The following COASY variants were observed in gnomAD, a reference collection of about 807,000 sequenced individuals.
COASY encodes the protein Coenzyme A synthase, also known as bifunctional coenzyme A synthase.
In COASY, 31 loss-of-function variants were observed where a neutral mutation model predicts 49.4. The ratio of observed to expected loss-of-function variants is 0.63; its 90% CI spans 0.47 to 0.85. COASY has a LOEUF of 0.85. COASY is among the 40% of genes least tolerant of loss of function. COASY has a pLI of 0.00. For missense variants in COASY, 730 were observed against 734.1 expected (o/e 0.99, Z 0.06); for synonymous variants, 285 against 310.9 (o/e 0.92, Z 0.88).
intron 2 of COASY, 86 bp from the exon 3 acceptor site, chr17:42,564,360 A>G: frequency 6.3e-7 from 1 of 1,581,420 alleles, no homozygotes; most frequent in Non-Finnish European, 8.7e-7. Flanking sequence ...CTGGGTAGGA[A>G]GGGGAGGATG....
At position 42,562,740 on chromosome 17, in the gene COASY, C is replaced by T. The variant is rs76169050; in HGVS notation, c.118C>T (p.His40Tyr). 1.3e-5 allele frequency: 20 copies of T among 1,591,750 alleles called. No individual in the cohort carries two copies. In the East Asian group the frequency reaches 4.5e-4, roughly 36 times the overall value. ...ARLVNHTLYV[H>Y]LQPGMSLEGP... Reference sequence around the variant, plus strand: ...GCTGGTGAATCACACACTCTATGTTCACCTGCAGCCGGGCATGAGCCTGGA... The same window carrying T: ...GCTGGTGAATCACACACTCTATGTTTACCTGCAGCCGGGCATGAGCCTGGA... Residue 40 changes from histidine (H) to tyrosine (Y), a missense_variant, in exon 1 of 9, where the codon CAC becomes TAC. Coordinates refer to ENST00000393818, the MANE Select transcript of COASY (RefSeq NM_025233.7).
intron 1 of COASY, 131 bp downstream of exon 1, chr17:42,563,453 C>T: frequency 4.5e-6 from 4 of 889,668 alleles, no homozygotes; most frequent in Non-Finnish European, 6.7e-6. Flanking sequence ...CAGTGGTTGA[C>T]ACTCAATTGG....
At chr17:42,563,581 A>G (rs2092988230) in intron 1 of COASY, 1 of 540,172 alleles carries the variant, frequency 1.9e-6, no homozygotes, top group Admixed American at 3.6e-5. Context: ...TTTCCAGGTG[A>G]TACACCCTAA....
rs755354716 is a variant in COASY, at chr17:42,562,573, C to T, written c.-50C>T. On this transcript the variant is annotated 5_prime_UTR_variant, in exon 1 of 9. Transcript: ENST00000393818. The stretch of plus-strand genomic sequence containing the variant: ...CAGGCCTCTGCCTCGGCCGCAGGCC[C>T]TTCAGTCACCGTCGCCTCGTCTCCC... 4.9e-5 allele frequency: 76 copies of T among 1,559,132 alleles called. No homozygotes were observed. Among genetic ancestry groups the T allele is most frequent in the Non-Finnish European group, 6.1e-5 (71 of 1,155,384 alleles).
At chr17:42,565,356 T>A (rs1276486930) in intron 6 of COASY, 45 bp downstream of exon 6, 1 of 1,610,092 alleles carries the variant, frequency 6.2e-7, no homozygotes, top group Admixed American at 1.7e-5. Flanking sequence ...ACAGTTAAGC[T>A]GTTTCTTCCC....
intron 2 of COASY, 104 bp downstream of exon 2, chr17:42,564,279 G>A: frequency 6.9e-7 from 1 of 1,447,504 alleles, no homozygotes; most frequent in Non-Finnish European, 9.6e-7. Flanking sequence ...AGAAGTGGGG[G>A]CTCAGGGTGG....
At chr17:42,564,946 A>C in intron 4 of COASY, 37 bp from the exon 5 acceptor site, 1 of 1,614,130 alleles carries the variant, frequency 6.2e-7, no homozygotes, top group Non-Finnish European at 8.5e-7. Flanking sequence ...GGAGCTAGCC[A>C]GGCCTCTGTG....
Position 42,565,697 on chromosome 17 carries a change from A to C in COASY, c.1524A>C (p.Glu508Asp). Residue 508 changes from glutamate (E) to aspartate (D), a missense_variant, in exon 8 of 9, where the codon GAA becomes GAC. Physicochemically the swap from Glu to Asp is conservative, Grantham distance 45. Coordinates refer to ENST00000393818, the MANE Select transcript of COASY (RefSeq NM_025233.7). The part of the protein sequence containing the change: ...RRIVERDGLS[E>D]AAAQSRLQSQ... ...TTGTGGAGAGGGATGGCCTCAGTGAAGCCGCGGCTCAAAGCCGGCTGCAGA... is the reference window on the plus strand; with the variant it reads ...TTGTGGAGAGGGATGGCCTCAGTGACGCCGCGGCTCAAAGCCGGCTGCAGA... 3 of 1,614,086 alleles carry C rather than the reference A, an allele frequency of 1.9e-6. No homozygotes were observed. The South Asian group carries it at 3.3e-5, about 18-fold the overall frequency.
intron 5 of COASY, 66 bp from the exon 6 acceptor site, chr17:42,565,161 C>T (rs928740898): frequency 1.2e-5 from 19 of 1,594,088 alleles, no homozygotes; most frequent in South Asian, 7.7e-5. Flanking sequence ...GTTCCCAACA[C>T]CACCTTGCTC....
chr17:42,564,139 T>C lies in COASY; in HGVS notation c.879T>C (p.Arg293=), dbSNP rs778257471. The change falls in exon 2 of 9, where the codon CGT becomes CGC. Residue 293 remains arginine (R), a synonymous_variant. Transcript: ENST00000393818. ...TGGTGGTCAGCGAGGAGACCTATCG[T>C]GGGGGGATGGCCATCAACCGCTTCC... ...EFLVVSEETY[R]GGMAINRFRL... 6.2e-7 allele frequency: 1 copy of C among 1,613,752 alleles called. No homozygotes were observed. Among genetic ancestry groups the C allele is most frequent in the Admixed American group, 1.7e-5 (1 of 59,976 alleles).
rs746142018 is a variant in COASY, at chr17:42,564,428, C to T, written c.916-18C>T. 1.9e-6 allele frequency: 3 copies of T among 1,613,760 alleles called. No homozygotes were observed. The highest frequency in any genetic ancestry group is 1.7e-6 in the Non-Finnish European group (2 of 1,179,944). On this transcript the variant is annotated intron_variant, in intron 2 of 8. Transcript: ENST00000393818. ...CACTCCCTCCTTCCCTCTTTTTACC[C>T]TTTCCTCTTTACCCCAGGACCTGGA...
Position 42,562,697 on chromosome 17 carries a change from C to T in COASY, c.75C>T (p.Ile25=), listed in dbSNP as rs1416813529. The T allele has an allele frequency of 6.4e-7, 1 of 1,565,256 alleles. No homozygotes were observed. Among genetic ancestry groups the T allele is most frequent in the Non-Finnish European group, 8.7e-7 (1 of 1,155,938 alleles). ...CCCTAGCCCCTCGCCTGGCCTCCAT[C>T]CTGACCTCGGCGGCCCGGCTGGTGA... ...LASLAPRLAS[I]LTSAARLVNH... is the part of the protein sequence containing the mutation. The change falls in exon 1 of 9, where the codon ATC becomes ATT. Residue 25 remains isoleucine (I), a synonymous_variant. Coordinates refer to ENST00000393818, the MANE Select transcript of COASY (RefSeq NM_025233.7).
chr17:42,565,217 C>A lies in COASY; in HGVS notation c.1303-10C>A. ...AGAAGGTAACCTCTGCCCTCTGTTC[C>A]CCTCCCCAGAAGCAGCTGAAGATAC... On this transcript the variant is annotated splice_polypyrimidine_tract_variant and intron_variant, in intron 5 of 8. Coordinates refer to ENST00000393818, the MANE Select transcript of COASY (RefSeq NM_025233.7). The A allele has an allele frequency of 1.2e-6, 2 of 1,613,996 alleles. No individual in the cohort carries two copies. The highest frequency in any genetic ancestry group is 1.7e-6 in the Non-Finnish European group (2 of 1,179,952).
Position 42,562,642 on chromosome 17 carries a change from G to A in COASY, c.20G>A (p.Gly7Asp). ...GGCAGCATGGCCGTATTCCGGTCGG[G>A]TCTCCTGGTGCTGACGACGCCGCTG... MAVFRS[G>D]LLVLTTPLAS... Residue 7 changes from glycine to aspartate, a missense_variant, in exon 1 of 9, where the codon GGT (glycine) becomes GAT (aspartate). Gly to Asp is a moderately conservative substitution (Grantham distance 94). Transcript: ENST00000393818. 6.6e-7 allele frequency: 1 copy of A among 1,521,906 alleles called. No individual in the cohort carries two copies. The highest frequency in any genetic ancestry group is 8.8e-7 in the Non-Finnish European group (1 of 1,139,502). 94.3% of individuals were successfully genotyped at this position (1,521,906 alleles called of 1,614,324 possible).
rs778368610 is a variant in COASY, at chr17:42,564,468, A to C, written c.938A>C (p.Tyr313Ser). The C allele has an allele frequency of 2.5e-6, 4 of 1,613,490 alleles. No homozygotes were observed. Among genetic ancestry groups the C allele is most frequent in the Non-Finnish European group, 8.5e-7 (1 of 1,179,698 alleles). Residue 313 changes from tyrosine to serine, a missense_variant, in exon 3 of 9, where the codon TAC (tyrosine) becomes TCC (serine). Coordinates refer to ENST00000393818, the MANE Select transcript of COASY (RefSeq NM_025233.7). ...CAGGACCTGGAGGAACTTGCTTTGT[A>C]CCAGATCCAGCTGCTGAAGGACCTC... The part of the protein sequence containing the change: ...LENDLEELAL[Y>S]QIQLLKDLRH...
rs764897395 is a variant in COASY, at chr17:42,563,128, C to G, written c.506C>G (p.Pro169Arg). ...GEVPVEPLDV[P>R]LPSTIRPASP... ...GTGCCCGTGGAGCCCCTGGATGTCCCCTTACCCTCCACGATCAGGCCAGCT... is the reference window on the plus strand; with the variant it reads ...GTGCCCGTGGAGCCCCTGGATGTCCGCTTACCCTCCACGATCAGGCCAGCT... The change falls in exon 1 of 9, where the codon CCC becomes CGC. Residue 169 changes from proline to arginine, a missense_variant. By Grantham distance (103) the Pro-to-Arg change is moderately radical (BLOSUM62 -2). Coordinates refer to ENST00000393818, the MANE Select transcript of COASY (RefSeq NM_025233.7). The G allele has an allele frequency of 6.2e-7, 1 of 1,613,914 alleles. No homozygotes were observed. The highest frequency in any genetic ancestry group is 8.5e-7 in the Non-Finnish European group (1 of 1,179,916).
chr17:42,562,725 C>G lies in COASY; in HGVS notation c.103C>G (p.His35Asp), dbSNP rs1280617596. 3 of 1,581,982 alleles carry G rather than the reference C, an allele frequency of 1.9e-6. No homozygotes were observed. In the South Asian group the frequency reaches 3.4e-5, roughly 18 times the overall value. The stretch of plus-strand genomic sequence containing the variant: ...GACCTCGGCGGCCCGGCTGGTGAAT[C>G]ACACACTCTATGTTCACCTGCAGCC... ...ILTSAARLVN[H>D]TLYVHLQPGM... is the part of the protein sequence containing the mutation. Residue 35 changes from histidine to aspartate, a missense_variant, in exon 1 of 9, where the codon CAC (histidine) becomes GAC (aspartate). Transcript: ENST00000393818.
Position 42,564,826 on chromosome 17 carries a change from G to A in COASY, c.1165G>A (p.Asp389Asn), listed in dbSNP as rs753078446. 3.2e-6 allele frequency: 5 copies of A among 1,566,026 alleles called. No individual in the cohort carries two copies. Among genetic ancestry groups the A allele is most frequent in the Non-Finnish European group, 4.3e-6 (5 of 1,159,486 alleles). Reference sequence around the variant, plus strand: ...CCTGGGGGCGTTTGTCATTGACAGTGACCACCTGGGTCATCGGGCCTATGC... The same window carrying A: ...CCTGGGGGCGTTTGTCATTGACAGTAACCACCTGGGTCATCGGGCCTATGC... Reference protein sequence around the residue: ...KGLGAFVIDSDHLGHRAYAPG... With the variant: ...KGLGAFVIDSNHLGHRAYAPG... The change falls in exon 4 of 9, where the codon GAC becomes AAC. Residue 389 changes from aspartate (D) to asparagine (N), a missense_variant. Coordinates refer to ENST00000393818, the MANE Select transcript of COASY (RefSeq NM_025233.7).
chr17:42,563,436 A>C, intron 1 of COASY, 114 bp downstream of exon 1: 1 of 1,015,494 alleles, frequency 9.8e-7, no homozygotes, highest in South Asian at 1.7e-5. Flanking sequence ...ACCCTTCCCA[A>C]ATGTCACAGT....
Sources: allele counts gnomAD v4.1 joint callset, GRCh38; gene constraint gnomAD v4.1.1; transcripts MANE v1.5; gene names NCBI Gene and HGNC (gene_info 2026-07-23, HGNC 2026-07-21).